TCF7L1: variants seen among roughly 807,000 people sequenced by gnomAD.
TCF7L1 encodes transcription factor 7-like 1.
A neutral mutation model predicts 63.7 loss-of-function variants in TCF7L1; 18 were observed. The observed-to-expected ratio is 0.28, with a 90% CI of 0.20 to 0.42. TCF7L1 has a LOEUF of 0.42. Ranked by LOEUF, TCF7L1 falls within the 10% of genes least tolerant of loss-of-function variation. The pLI, the probability that TCF7L1 is intolerant of heterozygous loss-of-function variation, is 1.00. For missense variants in TCF7L1, 654 were observed against 779.3 expected (o/e 0.84, Z 1.91); for synonymous variants, 355 against 340.9 (o/e 1.04, Z -0.46).
At chr2:85,170,041 G>A (rs933373610) in intron 3 of TCF7L1, among the ~76,000 whole-genome samples, 1 of 152,214 alleles carries the variant, frequency 6.6e-6, no homozygotes, top group Non-Finnish European at 1.5e-5. Flanking sequence ...CTGCAAACTT[G>A]GATCTAGAGC....
chr2:85,282,965 G>A (rs2104368309), intron 3 of TCF7L1, among the ~76,000 whole-genome samples: 1 of 152,150 alleles, frequency 6.6e-6, no homozygotes, highest in Non-Finnish European at 1.5e-5. Context: ...CTTGAGTTGG[G>A]GTAGATGTTG....
chr2:85,260,352 C>T (rs533387590), intron 3 of TCF7L1, among the ~76,000 whole-genome samples: 2 of 152,174 alleles, frequency 1.3e-5, no homozygotes, highest in African/African-American at 2.4e-5. Context: ...AGACCTTGTA[C>T]GTGGCCGGAC....
intron 3 of TCF7L1, among the ~76,000 whole-genome samples, chr2:85,231,592 T>C (rs1680082604): frequency 6.6e-6 from 1 of 152,126 alleles, no homozygotes; most frequent in Admixed American, 6.5e-5. Context: ...ACCGCTGGTG[T>C]ATCCAAGATC....
intron 3 of TCF7L1, among the ~76,000 whole-genome samples, chr2:85,206,828 G>A (rs140327407): frequency 2.3e-4 from 35 of 152,164 alleles, no homozygotes; most frequent in African/African-American, 6.3e-4. Context: ...GGAAACAAAC[G>A]TCTTAGGAGA....
At chr2:85,267,147 C>A (rs1303484356) in intron 3 of TCF7L1, among the ~76,000 whole-genome samples, 4 of 151,842 alleles carry the variant, frequency 2.6e-5, no homozygotes, top group African/African-American at 9.7e-5. Flanking sequence ...TCAAGACCAG[C>A]CTGGCTAACG....
At chr2:85,192,087 G>T (rs1192505965) in intron 3 of TCF7L1, among the ~76,000 whole-genome samples, 2 of 152,208 alleles carry the variant, frequency 1.3e-5, no homozygotes, top group Non-Finnish European at 2.9e-5. Flanking sequence ...CAGCTATGTA[G>T]CCCTGTGCCT....
At chr2:85,214,276 A>C (rs12619496) in intron 3 of TCF7L1, among the ~76,000 whole-genome samples, 1 of 152,122 alleles carries the variant, frequency 6.6e-6, no homozygotes, top group East Asian at 1.9e-4. Flanking sequence ...TTACCGGGTG[A>C]TGCTCGAAGA....
intron 3 of TCF7L1, among the ~76,000 whole-genome samples, chr2:85,172,192 A>G (rs1439470431): frequency 1.3e-5 from 2 of 152,062 alleles, no homozygotes; most frequent in Admixed American, 6.5e-5. Flanking sequence ...TGGTATACCA[A>G]CAAGCATCAG....
chr2:85,195,211 A>G (rs1181420913), intron 3 of TCF7L1, among the ~76,000 whole-genome samples: 5 of 152,262 alleles, frequency 3.3e-5, no homozygotes, highest in African/African-American at 9.6e-5. Context: ...ATAACAGTCT[A>G]GACCTAATAG....
intron 3 of TCF7L1, among the ~76,000 whole-genome samples, chr2:85,272,134 G>C (rs899592636): frequency 1.3e-5 from 2 of 152,130 alleles, no homozygotes; most frequent in African/African-American, 4.8e-5. Context: ...TGCTGCAGGG[G>C]CTCCTCCTCG....
intron 3 of TCF7L1, among the ~76,000 whole-genome samples, chr2:85,276,147 C>T (rs540940759): frequency 6.6e-6 from 1 of 152,332 alleles, no homozygotes; most frequent in East Asian, 1.9e-4. Context: ...TTCGTTTTCT[C>T]TTACCGACTG....
chr2:85,174,706 C>T (rs913675437), intron 3 of TCF7L1, among the ~76,000 whole-genome samples: 2 of 152,206 alleles, frequency 1.3e-5, no homozygotes, highest in Non-Finnish European at 2.9e-5. Context: ...TAGCATCCCC[C>T]TGACTCCGCC....
chr2:85,283,814 G>T (rs570772062), intron 4 of TCF7L1, among the ~76,000 whole-genome samples: 2 of 152,222 alleles, frequency 1.3e-5, no homozygotes, highest in East Asian at 3.9e-4. Context: ...AACCCCCATG[G>T]CCCTGGCTGC....
intron 4 of TCF7L1, among the ~76,000 whole-genome samples, chr2:85,296,297 A>G (rs1681837917): frequency 6.6e-6 from 1 of 152,144 alleles, no homozygotes; most frequent in African/African-American, 2.4e-5. Flanking sequence ...TTTTTTGAGA[A>G]GTACAGGCCA....
intron 3 of TCF7L1, among the ~76,000 whole-genome samples, chr2:85,209,719 A>G (rs1679501676): frequency 6.6e-6 from 1 of 152,156 alleles, no homozygotes; most frequent in Non-Finnish European, 1.5e-5. Context: ...GCTGTCTCCC[A>G]GGGGTGACAG....
chr2:85,168,566 C>T (rs1231584599), intron 3 of TCF7L1, among the ~76,000 whole-genome samples: 2 of 151,194 alleles, frequency 1.3e-5, no homozygotes, highest in Non-Finnish European at 2.9e-5. Flanking sequence ...GGTAGAGCTG[C>T]GTGGACTGAA....
chr2:85,304,288 T>G lies in TCF7L1; in HGVS notation c.795T>G (p.Gly265=). The G allele has an allele frequency of 6.2e-7, 1 of 1,614,020 alleles. No homozygotes were observed. The highest frequency in any genetic ancestry group is 2.2e-5 in the East Asian group (1 of 44,866). ...QGQPMYSLPP[G]GFRHPYPALA... ...AGCCCATGTACTCCCTTCCTCCCGG[T>G]GGCTTCCGGCACCCTTACCCCGCCC... The change falls in exon 7 of 12, where the codon GGT becomes GGG. Residue 265 remains glycine (G), a synonymous_variant. Coordinates refer to ENST00000282111, the MANE Select transcript of TCF7L1 (RefSeq NM_031283.3).
At chr2:85,159,099 C>T (rs922934931) in intron 3 of TCF7L1, among the ~76,000 whole-genome samples, 1 of 152,130 alleles carries the variant, frequency 6.6e-6, no homozygotes, top group African/African-American at 2.4e-5. Flanking sequence ...GTTCAGCCTT[C>T]GATCAATAAA....
At chr2:85,210,860 G>A (rs182748839) in intron 3 of TCF7L1, among the ~76,000 whole-genome samples, 50 of 152,314 alleles carry the variant, frequency 3.3e-4, no homozygotes, top group African/African-American at 1.2e-3. Context: ...TCCACATGCA[G>A]GGAGGGAAAA....
Sources: allele counts gnomAD v4.1 joint callset (sites outside exome capture counted in the v4.1 genomes callset), GRCh38; gene constraint gnomAD v4.1.1; transcripts MANE v1.5; gene names NCBI Gene and HGNC (gene_info 2026-07-23, HGNC 2026-07-21).